COL22A1: variants seen among roughly 807,000 people sequenced by gnomAD.
The protein encoded by COL22A1 is collagen alpha-1(XXII) chain.
In COL22A1, 221 loss-of-function variants were observed where a neutral mutation model predicts 248.9. That is an observed-to-expected ratio of 0.89 (90% CI 0.80 to 0.99). The LOEUF is 0.99. COL22A1 is among the 50% of genes least tolerant of loss of function. COL22A1 has a pLI of 0.00. For synonymous variants in COL22A1, 891 were observed against 793.4 expected, an observed-to-expected ratio of 1.12 and a Z score of -2.07; for missense variants, 2,240 against 2,179.0, an observed-to-expected ratio of 1.03 and a Z score of -0.56.
intron 32 of COL22A1, among the ~76,000 whole-genome samples, chr8:138,697,609 C>T (rs1247162462): frequency 6.6e-6 from 1 of 152,208 alleles, no homozygotes; most frequent in Non-Finnish European, 1.5e-5. Flanking sequence ...CCCCAGGAGC[C>T]TCCTCAGTCC....
chr8:138,661,696 C>G (rs559442439), intron 43 of COL22A1, among the ~76,000 whole-genome samples: 2 of 152,282 alleles, frequency 1.3e-5, no homozygotes, highest in African/African-American at 4.8e-5. Flanking sequence ...GGGCAAGTCC[C>G]TGGAGAAGGC....
intron 14 of COL22A1, among the ~76,000 whole-genome samples, chr8:138,779,127 G>A (rs565391971): frequency 1.3e-5 from 2 of 152,200 alleles, no homozygotes; most frequent in African/African-American, 4.8e-5. Context: ...ATAGTCCTTA[G>A]GACCATAAAT....
intron 3 of COL22A1, among the ~76,000 whole-genome samples, chr8:138,848,159 G>A (rs1821379729): frequency 6.6e-6 from 1 of 152,168 alleles, no homozygotes. Context: ...TTCTTGGCTG[G>A]TTCACTGGTT....
At position 138,662,652 on chromosome 8, in the gene COL22A1, A is replaced by C. The variant is rs140999719; in HGVS notation, c.3187-569T>G. 2.3e-3 allele frequency among the ~76,000 whole-genome samples: 350 copies of C among 152,248 alleles called. 1 individual carries two copies. The highest frequency in any genetic ancestry group is 8.2e-3 in the African/African-American group (339 of 41,556). ...TGGTCTAAAAGTGGGAATTCCTGGC[A>C]GTTGCTGGAACTGTGCTACCGGGCT... On this transcript the variant is annotated intron_variant, in intron 42 of 64. Transcript: ENST00000303045.
At chr8:138,874,225 C>G (rs1823544439) in intron 3 of COL22A1, among the ~76,000 whole-genome samples, 1 of 152,206 alleles carries the variant, frequency 6.6e-6, no homozygotes, top group Non-Finnish European at 1.5e-5. Flanking sequence ...CTTTAGATGA[C>G]TGAGCATTCA....
Position 138,878,255 on chromosome 8 carries a change from C to T in COL22A1, c.153G>A (p.Lys51=), listed in dbSNP as rs762683072. 13 of 1,585,890 alleles carry T rather than the reference C, an allele frequency of 8.2e-6. No individual in the cohort carries two copies. The highest frequency in any genetic ancestry group is 1.1e-5 in the Non-Finnish European group (13 of 1,165,854). The change falls in exon 3 of 65, where the codon AAG becomes AAA. Residue 51 remains lysine (K), a synonymous_variant. Transcript: ENST00000303045. Reference sequence around the variant, plus strand: ...ACTGCCGGACCTTCTCAAAGTCCTCCTTGCCCACGCTGGAGGAGGTGTCCA... The same window carrying T: ...ACTGCCGGACCTTCTCAAAGTCCTCTTTGCCCACGCTGGAGGAGGTGTCCA... The part of the protein sequence containing the change: ...FLLDTSSSVG[K]EDFEKVRQWV...
intron 4 of COL22A1, among the ~76,000 whole-genome samples, chr8:138,837,137 A>G (rs1444038691): frequency 6.6e-6 from 1 of 152,146 alleles, no homozygotes. Flanking sequence ...CCCAGGAGTT[A>G]CTCGGTCAAC....
At chr8:138,807,055 G>A (rs1049765566) in intron 10 of COL22A1, among the ~76,000 whole-genome samples, 2 of 152,140 alleles carry the variant, frequency 1.3e-5, no homozygotes, top group African/African-American at 4.8e-5. Context: ...AAATAGGGGG[G>A]AGAACAGAGT....
Position 138,731,635 on chromosome 8 carries a change from G to A in COL22A1, c.2139+5889C>T, listed in dbSNP as rs116465742. 8.9e-3 allele frequency among the ~76,000 whole-genome samples: 1,354 copies of A among 151,782 alleles called. 20 individuals carry two copies. The highest frequency in any genetic ancestry group is 0.03 in the African/African-American group (1,231 of 41,108). On this transcript the variant is annotated intron_variant, in intron 23 of 64. Transcript: ENST00000303045. The stretch of plus-strand genomic sequence containing the variant: ...TCTATTTGATGTGTTTAGTTAAAAA[G>A]TCTACAGGGCCTGAGAGAGAGAGAG...
intron 10 of COL22A1, among the ~76,000 whole-genome samples, chr8:138,806,089 G>T (rs917446508): frequency 0.013 from 82 of 6,432 alleles, 16 homozygotes; most frequent in African/African-American, 0.017. Flanking sequence ...TGTGTGTAAT[G>T]GTGTGTGATG....
intron 34 of COL22A1, among the ~76,000 whole-genome samples, chr8:138,694,198 G>A (rs955023010): frequency 1.3e-5 from 2 of 152,210 alleles, no homozygotes; most frequent in African/African-American, 4.8e-5. Flanking sequence ...TATGTGCAGA[G>A]GCCCTTGCTC....
At position 138,877,826 on chromosome 8, in the gene COL22A1, G is replaced by A. The variant is rs765331313; in HGVS notation, c.582C>T (p.Ser194=). 9 of 1,612,424 alleles carry A rather than the reference G, an allele frequency of 5.6e-6. No homozygotes were observed. The highest frequency in any genetic ancestry group is 1.7e-5 in the Admixed American group (1 of 59,896). ...AGTCGGACACGTGGAAGACGTGGGC[G>A]GACTTGGGCTCTGAGGCGATCTCCT... ...ELEEIASEPK[S]AHVFHVSDFN... is the part of the protein sequence containing the mutation. The change falls in exon 3 of 65, where the codon TCC becomes TCT. Residue 194 remains serine (S), a synonymous_variant. Transcript: ENST00000303045.
chr8:138,766,077 C>T (rs28715167), intron 16 of COL22A1, among the ~76,000 whole-genome samples: 47,585 of 151,934 alleles, frequency 0.31, 7,916 homozygotes, highest in African/African-American at 0.43. Context: ...ACCCTAAATC[C>T]GAGTGTGACA....
Position 138,649,795 on chromosome 8 carries a change from A to G in COL22A1, c.3334-17T>C. ...GCACACATCCTGAGAGTGGGGAGAG[A>G]GGTGGGGACAAAGAGAGAATAACTA... On this transcript the variant is annotated splice_polypyrimidine_tract_variant and intron_variant, in intron 45 of 64. Coordinates refer to ENST00000303045, the MANE Select transcript of COL22A1 (RefSeq NM_152888.3). 1 of 1,477,980 alleles carries G rather than the reference A, an allele frequency of 6.8e-7. No homozygotes were observed. The highest frequency in any genetic ancestry group is 1.3e-5 in the South Asian group (1 of 79,012). 91.6% of individuals were successfully genotyped at this position (1,477,980 alleles called of 1,614,324 possible).
chr8:138,607,445 C>T (rs1818509495), intron 57 of COL22A1, among the ~76,000 whole-genome samples: 2 of 152,106 alleles, frequency 1.3e-5, no homozygotes, highest in South Asian at 4.1e-4. Flanking sequence ...ATCTAGCTGA[C>T]CAGGACTCTG....
chr8:138,778,688 C>A (rs1037460196), intron 14 of COL22A1, among the ~76,000 whole-genome samples: 1 of 152,210 alleles, frequency 6.6e-6, no homozygotes, highest in African/African-American at 2.4e-5. Flanking sequence ...GCCTATGAAC[C>A]ACCAGGAGGC....
In COL22A1 at chr8:138,759,542, A is replaced by G. The variant is rs552070841; in HGVS notation, c.1902+701T>C. Among the ~76,000 whole-genome samples, 24 of 152,306 alleles carry G rather than the reference A, an allele frequency of 1.6e-4. No individual in the cohort carries two copies. In the South Asian group the frequency reaches 4.8e-3, roughly 30 times the overall value. ...TATGTCTCGTCACCCCTCCTATGCC[A>G]ATCCAGAATACAACATCACACCTTC... On this transcript the variant is annotated intron_variant, in intron 18 of 64. Coordinates refer to ENST00000303045, the MANE Select transcript of COL22A1 (RefSeq NM_152888.3).
intron 42 of COL22A1, 91 bp from the exon 43 acceptor site, chr8:138,662,174 C>T: frequency 9.5e-7 from 1 of 1,050,058 alleles, no homozygotes; most frequent in African/African-American, 1.6e-5. Context: ...TCTCCTTCAA[C>T]ACATGGTCTG....
intron 3 of COL22A1, among the ~76,000 whole-genome samples, chr8:138,875,419 C>A (rs1358046696): frequency 6.6e-6 from 1 of 152,158 alleles, no homozygotes; most frequent in African/African-American, 2.4e-5. Flanking sequence ...TGAACCAAGA[C>A]TGTCAGGATG....
Sources: gnomAD v4.1 joint callset for allele counts (sites outside exome capture counted in the v4.1 genomes callset) on GRCh38, gnomAD v4.1.1 for gene constraint, MANE v1.5 for transcripts, NCBI Gene and HGNC (gene_info 2026-07-23, HGNC 2026-07-21) for gene names.